Variants in PDE4D observed in about 807,000 individuals in gnomAD.
PDE4D encodes the protein phosphodiesterase 4D.
A neutral mutation model predicts 87.4 loss-of-function variants in PDE4D; 24 were observed. The ratio of observed to expected loss-of-function variants is 0.27; its 90% confidence interval spans 0.20 to 0.39. The LOEUF is 0.39. Ranked by LOEUF, PDE4D falls within the 10% of genes least tolerant of loss-of-function variation. The pLI is 1.00. For synonymous variants in PDE4D, 384 were observed against 383.2 expected (o/e 1.00, Z -0.02); for missense variants, 714 against 1,041.0 (o/e 0.69, Z 4.32).
chr5:60,006,335 T>C (rs796795307), intron 2 of PDE4D, among the ~76,000 whole-genome samples: 15 of 152,096 alleles, frequency 9.9e-5, no homozygotes, highest in African/African-American at 2.9e-4. Context: ...CTTTTGCATA[T>C]ATTTGAAATT....
intron 1 of PDE4D, among the ~76,000 whole-genome samples, chr5:60,364,229 G>A (rs1760330556): frequency 6.6e-6 from 1 of 152,142 alleles, no homozygotes; most frequent in African/African-American, 2.4e-5. Flanking sequence ...CAGCCAAACT[G>A]AGGGATCCTG....
chr5:59,722,763 C>T (rs910955251), intron 1 of PDE4D, among the ~76,000 whole-genome samples: 1 of 152,074 alleles, frequency 6.6e-6, no homozygotes, highest in Non-Finnish European at 1.5e-5. Context: ...ATTTAAGCTC[C>T]TTGTATACCA....
intron 5 of PDE4D, among the ~76,000 whole-genome samples, chr5:59,126,070 T>A (rs1775338711): frequency 7.7e-6 from 1 of 129,412 alleles, no homozygotes; most frequent in Non-Finnish European, 1.6e-5. Flanking sequence ...ATTTTCAGAA[T>A]CCTTTATTCT....
At chr5:59,702,156 C>T (rs1448993762) in intron 1 of PDE4D, among the ~76,000 whole-genome samples, 2 of 152,186 alleles carry the variant, frequency 1.3e-5, no homozygotes, top group South Asian at 2.1e-4. Flanking sequence ...TGAAGTCTCA[C>T]TCTGTCGCCC....
chr5:58,991,598 CCAAA>C (rs1392565434), intron 8 of PDE4D, among the ~76,000 whole-genome samples: 1 of 151,988 alleles, frequency 6.6e-6, no homozygotes, highest in Non-Finnish European at 1.5e-5. Flanking sequence ...CTCTTTAAGG[CCAAA>C]CAATGAAATG....
intron 1 of PDE4D, among the ~76,000 whole-genome samples, chr5:59,295,998 C>T (rs747458701): frequency 1.3e-5 from 2 of 152,012 alleles, no homozygotes; most frequent in African/African-American, 2.4e-5. Flanking sequence ...ACATAGCCAA[C>T]GTTTCTCAAT....
intron 1 of PDE4D, among the ~76,000 whole-genome samples, chr5:59,420,822 A>G (rs1482228344): frequency 1.2e-4 from 19 of 152,230 alleles, no homozygotes; most frequent in Non-Finnish European, 4.4e-5. Flanking sequence ...ATCATCTTAC[A>G]TCGGATACCG....
intron 1 of PDE4D, among the ~76,000 whole-genome samples, chr5:59,654,610 C>A (rs1351558966): frequency 6.6e-6 from 1 of 152,178 alleles, no homozygotes; most frequent in Non-Finnish European, 1.5e-5. Context: ...AAATACCACA[C>A]AATCTGCCTG....
intron 1 of PDE4D, among the ~76,000 whole-genome samples, chr5:60,250,168 G>A (rs74797913): frequency 0.013 from 1,934 of 151,926 alleles, 61 homozygotes; most frequent in East Asian, 0.12. Context: ...TGCAGCATAG[G>A]TATTTTTTCA....
chr5:59,909,505 C>T (rs1753207762), intron 3 of PDE4D, among the ~76,000 whole-genome samples: 1 of 152,010 alleles, frequency 6.6e-6, no homozygotes, highest in African/African-American at 2.4e-5. Flanking sequence ...AATCGATCCT[C>T]CCACTTCAGC....
At chr5:59,546,681 TACA>T (rs1817323746) in intron 1 of PDE4D, among the ~76,000 whole-genome samples, 1 of 152,136 alleles carries the variant, frequency 6.6e-6, no homozygotes, top group South Asian at 2.1e-4. Context: ...TAGAAATGAT[TACA>T]ACTTCAGAGA....
intron 1 of PDE4D, among the ~76,000 whole-genome samples, chr5:59,707,264 C>A (rs1753557849): frequency 6.6e-6 from 1 of 152,118 alleles, no homozygotes; most frequent in South Asian, 2.1e-4. Flanking sequence ...ATTTTTATAA[C>A]TCTTCGTGAA....
intron 1 of PDE4D, among the ~76,000 whole-genome samples, chr5:59,392,058 G>GT (rs1480912448): frequency 1.3e-5 from 2 of 148,986 alleles, no homozygotes; most frequent in African/African-American, 2.6e-5. Context: ...ATTCACTGCT[G>GT]TATTTTTTTT....
At chr5:60,180,533 A>G (rs1784295132) in intron 2 of PDE4D, among the ~76,000 whole-genome samples, 1 of 152,162 alleles carries the variant, frequency 6.6e-6, no homozygotes, top group Admixed American at 6.5e-5. Flanking sequence ...TTAGGGAGAC[A>G]GGGTGGTGAA....
chr5:59,464,979 A>G (rs2153648302), intron 1 of PDE4D, among the ~76,000 whole-genome samples: 1 of 152,304 alleles, frequency 6.6e-6, no homozygotes, highest in East Asian at 1.9e-4. Flanking sequence ...GGATATTTCG[A>G]GGATTAAGAG....
At chr5:60,150,057 A>G (rs1781369406) in intron 2 of PDE4D, among the ~76,000 whole-genome samples, 2 of 147,778 alleles carry the variant, frequency 1.4e-5, no homozygotes, top group Non-Finnish European at 3.0e-5. Context: ...AATTCTATAT[A>G]CTAGTATATA....
At chr5:60,376,022 A>G in intron 1 of PDE4D, among the ~76,000 whole-genome samples, 1 of 152,144 alleles carries the variant, frequency 6.6e-6, no homozygotes, top group Non-Finnish European at 1.5e-5. Context: ...CTGGTGACAA[A>G]GCAAGACTCC....
chr5:60,381,825 A>G (rs1355596250), intron 1 of PDE4D, among the ~76,000 whole-genome samples: 2 of 152,174 alleles, frequency 1.3e-5, no homozygotes, highest in African/African-American at 4.8e-5. Flanking sequence ...AATGGTTAAA[A>G]CCATGAGAAT....
chr5:60,354,970 A>T (rs568300953), intron 1 of PDE4D, among the ~76,000 whole-genome samples: 12 of 152,300 alleles, frequency 7.9e-5, no homozygotes, highest in African/African-American at 2.6e-4. Flanking sequence ...GGTAAGGGCT[A>T]TATACTATGA....
Sources: gnomAD v4.1 joint callset for allele counts (sites outside exome capture counted in the v4.1 genomes callset) on GRCh38, gnomAD v4.1.1 for gene constraint, MANE v1.5 for transcripts, NCBI Gene and HGNC (gene_info 2026-07-23, HGNC 2026-07-21) for gene names.